FAF1: variants seen among roughly 807,000 people sequenced by gnomAD.
FAF1 encodes the protein FAS-associated factor 1.
FAF1 carries 25 observed loss-of-function variants against 92.5 expected under a neutral mutation model. The observed-to-expected ratio is 0.27, with a 90% CI of 0.20 to 0.38. The LOEUF is 0.38. FAF1 is among the 10% of genes least tolerant of loss of function. The pLI, the probability that FAF1 is intolerant of heterozygous loss-of-function variation, is 1.00. For synonymous variants in FAF1, 234 were observed against 273.2 expected, an observed-to-expected ratio of 0.86 and a Z score of 1.42; for missense variants, 636 against 793.3, an observed-to-expected ratio of 0.80 and a Z score of 2.38.
At chr1:50,800,204 C>A (rs1661934390) in intron 3 of FAF1, among the ~76,000 whole-genome samples, 1 of 152,042 alleles carries the variant, frequency 6.6e-6, no homozygotes, top group East Asian at 1.9e-4. Context: ...TGGAATGTTT[C>A]CAGGGGAGAA....
At chr1:50,632,144 A>C (rs1161655880) in intron 8 of FAF1, among the ~76,000 whole-genome samples, 1 of 152,222 alleles carries the variant, frequency 6.6e-6, no homozygotes, top group Non-Finnish European at 1.5e-5. Context: ...AATAAGAAGT[A>C]AGGGGTACGA....
rs1474913546 is a variant in FAF1 at position 50,813,177 on chromosome 1, T to TA, written c.115-11501dup. On this transcript the variant is annotated intron_variant, in intron 2 of 18. Coordinates refer to ENST00000396153, the MANE Select transcript of FAF1 (RefSeq NM_007051.3). ...ACCTCTGTGACACACAATTTTCCTA[T>TA]ATAAGAAACCTGCACATGTACTCTT... Among the ~76,000 whole-genome samples, 3 of 151,872 alleles carry TA rather than the reference T, an allele frequency of 2.0e-5. No individual in the cohort carries two copies. The East Asian group carries it at 5.8e-4, about 29-fold the overall frequency.
chr1:50,533,998 G>C (rs1648326758), intron 15 of FAF1, among the ~76,000 whole-genome samples: 1 of 152,130 alleles, frequency 6.6e-6, no homozygotes, highest in African/African-American at 2.4e-5. Context: ...ATCTGTGCTA[G>C]ATTATCTGCC....
chr1:50,573,626 C>A (rs1367676590), intron 12 of FAF1, among the ~76,000 whole-genome samples: 1 of 152,046 alleles, frequency 6.6e-6, no homozygotes, highest in Non-Finnish European at 1.5e-5. Context: ...CAGAGACCAA[C>A]AAGCATCAAC....
intron 3 of FAF1, among the ~76,000 whole-genome samples, chr1:50,790,179 T>A (rs1017037375): frequency 3.3e-5 from 5 of 152,148 alleles, no homozygotes; most frequent in African/African-American, 1.2e-4. Context: ...TGAGACACTG[T>A]TGCCTGGGCT....
Position 50,831,805 on chromosome 1 carries a change from C to CAA in FAF1, c.114+26122_114+26123dup, listed in dbSNP as rs1157102526. ...CCCATAAGAGTATCCTTATCAGAGACAAAAAAAAAAAAAAAAAAAGGACTG... is the reference window on the plus strand; with the variant it reads ...CCCATAAGAGTATCCTTATCAGAGACAAAAAAAAAAAAAAAAAAAAAGGACTG... On this transcript the variant is annotated intron_variant, in intron 2 of 18. Coordinates refer to ENST00000396153, the MANE Select transcript of FAF1 (RefSeq NM_007051.3). 9.6e-3 allele frequency among the ~76,000 whole-genome samples: 787 copies of CAA among 81,632 alleles called. 19 individuals carry two copies. The highest frequency in any genetic ancestry group is 0.013 in the Non-Finnish European group (548 of 41,282). 53.6% of individuals were successfully genotyped at this position (81,632 alleles called of 152,430 possible).
chr1:50,953,497 G>T (rs929898649), intron 1 of FAF1, among the ~76,000 whole-genome samples: 2 of 152,078 alleles, frequency 1.3e-5, no homozygotes, highest in African/African-American at 4.8e-5. Context: ...CAGCACTTTG[G>T]GAAGCCACAG....
chr1:50,955,712 A>G (rs932364515), intron 1 of FAF1, among the ~76,000 whole-genome samples: 1 of 152,244 alleles, frequency 6.6e-6, no homozygotes. Flanking sequence ...CATGATTCAC[A>G]GTACCTACAA....
intron 1 of FAF1, among the ~76,000 whole-genome samples, chr1:50,898,760 C>G (rs569344963): frequency 9.2e-5 from 14 of 152,234 alleles, no homozygotes; most frequent in Admixed American, 3.9e-4. Flanking sequence ...TTGTGTATAT[C>G]TTTTCCTTTG....
At chr1:50,694,959 CA>C (rs376527083) in intron 7 of FAF1, among the ~76,000 whole-genome samples, 9 of 147,360 alleles carry the variant, frequency 6.1e-5, no homozygotes, top group South Asian at 2.2e-4. Flanking sequence ...GAGACTGTCT[CA>C]AAAAAAAAAT....
chr1:50,461,232 C>T (rs909831253), intron 18 of FAF1, among the ~76,000 whole-genome samples: 1 of 152,182 alleles, frequency 6.6e-6, no homozygotes, highest in Non-Finnish European at 1.5e-5. Flanking sequence ...TGTATTATTA[C>T]AGTCTGCACC....
intron 7 of FAF1, among the ~76,000 whole-genome samples, chr1:50,663,998 C>CTTT (rs555597172): frequency 9.3e-5 from 12 of 128,764 alleles, no homozygotes; most frequent in African/African-American, 3.3e-4. Flanking sequence ...ATCTGTTAAT[C>CTTT]TTTTTTTTTT....
At chr1:50,698,808 T>C (rs184473208) in intron 7 of FAF1, among the ~76,000 whole-genome samples, 17 of 152,226 alleles carry the variant, frequency 1.1e-4, no homozygotes, top group African/African-American at 4.1e-4. Context: ...ATTTTAAATA[T>C]ATAAAAGGCA....
rs192423535 is a variant in FAF1, at chr1:50,707,884, C to G, written c.552-1993G>C. Among the ~76,000 whole-genome samples the G allele has an allele frequency of 2.3e-3, 353 of 152,204 alleles. 1 individual carries two copies. Among genetic ancestry groups the G allele is most frequent in the African/African-American group, 8.3e-3 (344 of 41,520 alleles). ...CTGGAAACTACCATAGGAGTTAAGA[C>G]TTTGATTTTATTCATTTATGTATCA... On this transcript the variant is annotated intron_variant, in intron 6 of 18. Transcript: ENST00000396153.
intron 9 of FAF1, among the ~76,000 whole-genome samples, chr1:50,594,910 G>A (rs1277340005): frequency 6.7e-6 from 1 of 149,248 alleles, no homozygotes; most frequent in African/African-American, 2.5e-5. Flanking sequence ...ATATTCTTTA[G>A]GCTCACTTAG....
At chr1:50,771,553 C>T (rs892536741) in intron 4 of FAF1, among the ~76,000 whole-genome samples, 5 of 152,104 alleles carry the variant, frequency 3.3e-5, no homozygotes. Context: ...AAATGCAAGT[C>T]AAAACCACAA....
Position 50,441,344 on chromosome 1 carries a change from G to A in FAF1, c.*96C>T. The A allele has an allele frequency of 1.6e-6, 1 of 634,608 alleles. No homozygotes were observed. The highest frequency in any genetic ancestry group is 2.4e-5 in the South Asian group (1 of 42,446). The allele number at this position is 634,608 out of a possible 1,614,324, so 39.3% of individuals were successfully genotyped here. A position where few individuals can be genotyped will look rare whatever the true frequency, so the allele number is the denominator to read the frequency against. ...AGGCAGAAGTGTGACATTGAATTGAGTGAGACGAGCGTGTGGGTGGGTTGG... is the reference window on the plus strand; with the variant it reads ...AGGCAGAAGTGTGACATTGAATTGAATGAGACGAGCGTGTGGGTGGGTTGG... On this transcript the variant is annotated 3_prime_UTR_variant, in exon 19 of 19. Transcript: ENST00000396153.
intron 7 of FAF1, among the ~76,000 whole-genome samples, chr1:50,677,044 G>A (rs1656152977): frequency 2.0e-5 from 3 of 152,010 alleles, no homozygotes; most frequent in Non-Finnish European, 4.4e-5. Context: ...ATAAACCATT[G>A]CTATATGCAC....
At chr1:50,732,831 T>C (rs1204057948) in intron 6 of FAF1, among the ~76,000 whole-genome samples, 1 of 152,198 alleles carries the variant, frequency 6.6e-6, no homozygotes, top group East Asian at 1.9e-4. Context: ...TGCTGTTTGC[T>C]GATGTATTGA....
Sources: allele counts gnomAD v4.1 joint callset (sites outside exome capture counted in the v4.1 genomes callset), GRCh38; gene constraint gnomAD v4.1.1; transcripts MANE v1.5; gene names NCBI Gene and HGNC (gene_info 2026-07-23, HGNC 2026-07-21).